Variants in SH3D19 observed in about 807,000 individuals in gnomAD.
SH3D19 encodes the protein SH3 domain-containing protein 19.
A neutral mutation model predicts 112.1 loss-of-function variants in SH3D19; 58 were observed. The ratio of observed to expected loss-of-function variants is 0.52; its 90% CI spans 0.42 to 0.64. The LOEUF is 0.64. SH3D19 is among the 30% of genes least tolerant of loss of function. The pLI is 0.00. For missense variants in SH3D19, 1,090 were observed against 1,263.4 expected, an observed-to-expected ratio of 0.86 and a Z score of 2.08; for synonymous variants, 391 against 448.5, an observed-to-expected ratio of 0.87 and a Z score of 1.62.
rs1561281777 is a variant in SH3D19, at chr4:151,174,798, T to A, written c.1406A>T (p.Asn469Ile). 1 of 1,557,762 alleles carries A rather than the reference T, an allele frequency of 6.4e-7. No homozygotes were observed. Among genetic ancestry groups the A allele is most frequent in the Admixed American group, 1.9e-5 (1 of 51,550 alleles). ...YKSLGEGPPANPPVPVLQSKP... is the reference protein window; with the variant it reads ...YKSLGEGPPAIPPVPVLQSKP... The stretch of plus-strand genomic sequence containing the variant: ...GCTCTGCAGAACTGGAACTGGGGGG[T>A]TGGCTGGGGGCCCTTCTCCCAGTGA... The change falls in exon 7 of 20, where the codon AAC becomes ATC. Residue 469 changes from asparagine to isoleucine, a missense_variant. Coordinates refer to ENST00000604030, the MANE Select transcript of SH3D19 (RefSeq NM_001378122.1).
Position 151,275,857 on chromosome 4 carries a change from T to A in SH3D19, c.112+49384A>T, listed in dbSNP as rs1230450294. Among the ~76,000 whole-genome samples the A allele has an allele frequency of 3.7e-3, 515 of 139,638 alleles. 3 individuals carry two copies. Among genetic ancestry groups the A allele is most frequent in the African/African-American group, 0.012 (494 of 39,786 alleles). 91.6% of individuals were successfully genotyped at this position (139,638 alleles called of 152,430 possible). On this transcript the variant is annotated intron_variant, in intron 1 of 19. Coordinates refer to ENST00000604030, the MANE Select transcript of SH3D19 (RefSeq NM_001378122.1). ...TATTATTATTATTATTATTTTTTTT[T>A]TTTTAGACGGAGTCTCGCTCTGTCG...
At chr4:151,227,233 C>T (rs1769145931) in intron 1 of SH3D19, among the ~76,000 whole-genome samples, 1 of 152,122 alleles carries the variant, frequency 6.6e-6, no homozygotes, top group Non-Finnish European at 1.5e-5. Flanking sequence ...GAAACATACT[C>T]TAAAACTTCT....
Position 151,139,819 on chromosome 4 carries a change from T to C in SH3D19, c.2252A>G (p.Asp751Gly), listed in dbSNP as rs780577118. Reference sequence around the variant, plus strand: ...AACGACAGCATGAGGAGCACCACTGTCAACAGGCTTCTGAGCGTGGCTTGG... The same window carrying C: ...AACGACAGCATGAGGAGCACCACTGCCAACAGGCTTCTGAGCGTGGCTTGG... ...NDPSHAQKPV[D>G]SGAPHAVVLH... Residue 751 changes from aspartate (D) to glycine (G), a missense_variant, in exon 13 of 20, where the codon GAC becomes GGC. Physicochemically the swap from Asp to Gly is moderately conservative, Grantham distance 94 (BLOSUM62 -1). Coordinates refer to ENST00000604030, the MANE Select transcript of SH3D19 (RefSeq NM_001378122.1). The C allele has an allele frequency of 1.9e-5, 30 of 1,614,072 alleles. No homozygotes were observed. Among genetic ancestry groups the C allele is most frequent in the Non-Finnish European group, 1.4e-5 (17 of 1,180,038 alleles).
chr4:151,137,735 C>T lies in SH3D19; in HGVS notation c.2424G>A (p.Val808=). The part of the protein sequence containing the change: ...IGIFPANYVK[V]IIDIPEGGNG... ...AAAACAAACACAACCCACTTACAAT[C>T]ACTTTGACATAGTTGGCAGGAAATA... Residue 808 remains valine, a synonymous_variant, in exon 14 of 20, where the codon GTG becomes GTA. Coordinates refer to ENST00000604030, the MANE Select transcript of SH3D19 (RefSeq NM_001378122.1). 3 of 1,592,170 alleles carry T rather than the reference C, an allele frequency of 1.9e-6. No individual in the cohort carries two copies. Among genetic ancestry groups the T allele is most frequent in the Non-Finnish European group, 2.6e-6 (3 of 1,171,216 alleles).
rs1759745729 is a variant in SH3D19 at position 151,175,110 on chromosome 4, G to A, written c.1094C>T (p.Thr365Ile). 6.2e-7 allele frequency: 1 copy of A among 1,614,156 alleles called. No individual in the cohort carries two copies. The highest frequency in any genetic ancestry group is 8.5e-7 in the Non-Finnish European group (1 of 1,180,046). ...RLKVTSKEGLTPYPPLQEAGS... is the reference protein window; with the variant it reads ...RLKVTSKEGLIPYPPLQEAGS... ...CGCTTCTTGCAGGGGAGGGTATGGG[G>A]TGAGTCCTTCCTTGGAGGTCACCTT... Residue 365 changes from threonine to isoleucine, a missense_variant, in exon 7 of 20, where the codon ACC becomes ATC. By Grantham distance (89) the Thr-to-Ile change is moderately conservative (BLOSUM62 -1). Transcript: ENST00000604030.
At chr4:151,187,074 A>G (rs545321727) in intron 3 of SH3D19, among the ~76,000 whole-genome samples, 31 of 152,178 alleles carry the variant, frequency 2.0e-4, no homozygotes, top group East Asian at 3.9e-4. Flanking sequence ...GATTACAGGC[A>G]TGAGCCACTG....
intron 2 of SH3D19, among the ~76,000 whole-genome samples, chr4:151,204,905 C>G (rs1764882580): frequency 6.6e-6 from 1 of 151,826 alleles, no homozygotes; most frequent in Non-Finnish European, 1.5e-5. Flanking sequence ...ACTGCAACCT[C>G]TGCCTCCTGG....
At chr4:151,249,175 C>T (rs957390213) in intron 1 of SH3D19, among the ~76,000 whole-genome samples, 2 of 152,104 alleles carry the variant, frequency 1.3e-5, no homozygotes, top group Non-Finnish European at 2.9e-5. Context: ...TACTCATACA[C>T]GTATTCAGAG....
intron 3 of SH3D19, among the ~76,000 whole-genome samples, chr4:151,183,500 C>T (rs1328854220): frequency 6.6e-6 from 1 of 152,132 alleles, no homozygotes; most frequent in Non-Finnish European, 1.5e-5. Flanking sequence ...AAATGAATTA[C>T]CCCAGGTCCA....
rs1298594733 is a variant in SH3D19 at position 151,249,743 on chromosome 4, T to C, written c.113-23657A>G. Among the ~76,000 whole-genome samples the C allele has an allele frequency of 2.0e-5, 3 of 152,230 alleles. No individual in the cohort carries two copies. In the East Asian group the frequency reaches 5.8e-4, roughly 29 times the overall value. ...CTGACCTTTTTAATGCTTTGATGAC[T>C]TTCATTACTCTCTCTTTCTTCCCCT... is the stretch of plus-strand genomic sequence containing the variant. On this transcript the variant is annotated intron_variant, in intron 1 of 19. Transcript: ENST00000604030.
chr4:151,209,613 G>A (rs2149903008), intron 2 of SH3D19, among the ~76,000 whole-genome samples: 1 of 152,272 alleles, frequency 6.6e-6, no homozygotes, highest in East Asian at 1.9e-4. Context: ...ATTTTGGATT[G>A]CCCTAGAAAG....
chr4:151,310,345 G>T (rs1379235854), intron 1 of SH3D19, among the ~76,000 whole-genome samples: 1 of 151,834 alleles, frequency 6.6e-6, no homozygotes, highest in Non-Finnish European at 1.5e-5. Context: ...CCACACTCCA[G>T]CCTGGACAAC....
intron 2 of SH3D19, among the ~76,000 whole-genome samples, chr4:151,195,507 C>T (rs1368068620): frequency 1.3e-5 from 2 of 151,936 alleles, no homozygotes; most frequent in Non-Finnish European, 2.9e-5. Context: ...AGGACATGGC[C>T]CCTGCCCATA....
At chr4:151,291,982 T>C (rs1241171870) in intron 1 of SH3D19, among the ~76,000 whole-genome samples, 2 of 151,606 alleles carry the variant, frequency 1.3e-5, no homozygotes, top group Non-Finnish European at 2.9e-5. Flanking sequence ...CCCTGTTCCA[T>C]AAGGAGCAGT....
chr4:151,280,818 C>A (rs1486459269), intron 1 of SH3D19, among the ~76,000 whole-genome samples: 2 of 151,704 alleles, frequency 1.3e-5, no homozygotes, highest in Non-Finnish European at 2.9e-5. Flanking sequence ...TAAAAAAAAA[C>A]TCAAAGAAAA....
chr4:151,243,471 T>A (rs1050325953), intron 1 of SH3D19, among the ~76,000 whole-genome samples: 2 of 152,246 alleles, frequency 1.3e-5, no homozygotes, highest in Admixed American at 6.5e-5. Flanking sequence ...AGAGGGAATG[T>A]AAGTGATCCC....
Position 151,128,133 on chromosome 4 carries a change from C to T in SH3D19, c.2929+37G>A, listed in dbSNP as rs372648832. On this transcript the variant is annotated intron_variant, in intron 18 of 19. Coordinates refer to ENST00000604030, the MANE Select transcript of SH3D19 (RefSeq NM_001378122.1). ...ATAGTTTTGAAGGTTTCAGGCTCCC[C>T]GTGAGGAGTCGCATTCATGTCTTGC... 13 of 1,532,974 alleles carry T rather than the reference C, an allele frequency of 8.5e-6. No homozygotes were observed. In the African/African-American group the frequency reaches 1.1e-4, roughly 13 times the overall value. The allele number at this position is 1,532,974 out of a possible 1,614,324, so 95.0% of individuals were successfully genotyped here. A position where few individuals can be genotyped will look rare whatever the true frequency, so the allele number is the denominator to read the frequency against.
chr4:151,128,467 A>G lies in SH3D19; in HGVS notation c.2743-111T>C. On this transcript the variant is annotated intron_variant, in intron 17 of 19. Transcript: ENST00000604030. ...AAAAACTAAGGGGTCTTAAGATTTCAAAGCCTGAAGGCTTCTTTAAATTAT... is the reference window on the plus strand; with the variant it reads ...AAAAACTAAGGGGTCTTAAGATTTCGAAGCCTGAAGGCTTCTTTAAATTAT... 4 of 797,902 alleles carry G rather than the reference A, an allele frequency of 5.0e-6. No homozygotes were observed. In the South Asian group the frequency reaches 1.1e-4, roughly 22 times the overall value. The allele number at this position is 797,902 out of a possible 1,614,324, so 49.4% of individuals were successfully genotyped here.
At chr4:151,270,778 A>G (rs75150004) in intron 1 of SH3D19, among the ~76,000 whole-genome samples, 167 of 152,314 alleles carry the variant, frequency 1.1e-3, no homozygotes, top group African/African-American at 3.8e-3. Flanking sequence ...ACATGACTGT[A>G]TATGGACTAA....
Sources: gnomAD v4.1 joint callset for allele counts (sites outside exome capture counted in the v4.1 genomes callset) on GRCh38, gnomAD v4.1.1 for gene constraint, MANE v1.5 for transcripts, NCBI Gene and HGNC (gene_info 2026-07-23, HGNC 2026-07-21) for gene names.